MYO10: variants seen among roughly 807,000 people sequenced by gnomAD.
The protein encoded by MYO10 is unconventional myosin-X.
MYO10 carries 133 observed loss-of-function variants against 257.3 expected under a neutral mutation model. The ratio of observed to expected loss-of-function variants is 0.52; its 90% CI spans 0.45 to 0.60. The LOEUF is 0.60. MYO10 is among the 20% of genes least tolerant of loss of function. The probability of loss-of-function intolerance (pLI) is 0.00; values close to 1 mark genes in which losing one functional copy is unlikely to be tolerated. For synonymous variants in MYO10, 1,104 were observed against 1,028.6 expected, an observed-to-expected ratio of 1.07 and a Z score of -1.40; for missense variants, 2,399 against 2,635.7, an observed-to-expected ratio of 0.91 and a Z score of 1.97.
chr5:16,809,756 T>C (rs1292324022), intron 3 of MYO10, among the ~76,000 whole-genome samples: 2 of 152,210 alleles, frequency 1.3e-5, no homozygotes, highest in Non-Finnish European at 2.9e-5. Context: ...AACAGCCCCA[T>C]TTCTTAAAAT....
chr5:16,821,592 G>A (rs535651142), intron 2 of MYO10, among the ~76,000 whole-genome samples: 15 of 150,768 alleles, frequency 9.9e-5, no homozygotes, highest in South Asian at 2.1e-4. Context: ...TCAGCCTCCC[G>A]AGTAGCTGGG....
intron 1 of MYO10, among the ~76,000 whole-genome samples, chr5:16,918,495 C>CTTTTTTT (rs1422704020): frequency 3.4e-5 from 3 of 87,260 alleles, no homozygotes; most frequent in African/African-American, 1.3e-4. Flanking sequence ...AACTATTTTT[C>CTTTTTTT]TTTTCTTTTT....
intron 1 of MYO10, among the ~76,000 whole-genome samples, chr5:16,926,946 T>C (rs1451550650): frequency 6.6e-6 from 1 of 152,244 alleles, no homozygotes; most frequent in Non-Finnish European, 1.5e-5. Context: ...CACTCATGTT[T>C]GATATTTTGC....
At chr5:16,723,911 CAG>C (rs1739254951) in intron 19 of MYO10, among the ~76,000 whole-genome samples, 1 of 152,156 alleles carries the variant, frequency 6.6e-6, no homozygotes, top group African/African-American at 2.4e-5. Flanking sequence ...GACAAAACTT[CAG>C]AGACAGTAGA....
intron 1 of MYO10, among the ~76,000 whole-genome samples, chr5:16,922,736 C>A (rs1346661157): frequency 2.0e-4 from 30 of 152,166 alleles, no homozygotes; most frequent in Admixed American, 2.0e-3. Context: ...GTGGGTTTTA[C>A]AAACTTGTGC....
At chr5:16,690,279 C>A (rs889150140) in intron 27 of MYO10, among the ~76,000 whole-genome samples, 2 of 152,202 alleles carry the variant, frequency 1.3e-5, no homozygotes, top group African/African-American at 4.8e-5. Context: ...ATGACTACAT[C>A]CTTTTATAGC....
chr5:16,808,006 A>T (rs1021444012), intron 3 of MYO10, among the ~76,000 whole-genome samples: 2 of 152,344 alleles, frequency 1.3e-5, no homozygotes, highest in Admixed American at 6.5e-5. Context: ...AGCCTAACAC[A>T]GAGCCTGGTA....
At chr5:16,880,845 C>G (rs568939745) in intron 1 of MYO10, among the ~76,000 whole-genome samples, 2 of 152,318 alleles carry the variant, frequency 1.3e-5, no homozygotes, top group African/African-American at 4.8e-5. Context: ...GCTGGTCTCT[C>G]AAATATCACT....
At chr5:16,811,098 T>C (rs1191746759) in intron 3 of MYO10, among the ~76,000 whole-genome samples, 3 of 149,552 alleles carry the variant, frequency 2.0e-5, no homozygotes, top group Admixed American at 6.7e-5. Context: ...AAAAGAAAAC[T>C]TTAACAAATA....
chr5:16,771,602 A>G (rs1330605799), intron 9 of MYO10, among the ~76,000 whole-genome samples: 1 of 147,688 alleles, frequency 6.8e-6, no homozygotes, highest in Non-Finnish European at 1.5e-5. Flanking sequence ...ATTTTGATAC[A>G]GGGTCTCACT....
intron 3 of MYO10, among the ~76,000 whole-genome samples, chr5:16,800,364 C>T (rs546665372): frequency 6.6e-6 from 1 of 152,114 alleles, no homozygotes; most frequent in East Asian, 1.9e-4. Context: ...TCAAGACCAG[C>T]CTGGGCAATA....
At position 16,917,707 on chromosome 5, in the gene MYO10, GA is replaced by G. The variant is rs1183719045; in HGVS notation, c.21+18080del. Among the ~76,000 whole-genome samples the G allele has an allele frequency of 4.3e-3, 617 of 145,170 alleles. 2 individuals carry two copies. The highest frequency in any genetic ancestry group is 0.015 in the African/African-American group (594 of 39,490). The stretch of plus-strand genomic sequence containing the variant: ...GACCCATCTCTACAAAAAAAAAAAG[GA>G]AAAAAAAAAGAAAAAATCAGATGGG... On this transcript the variant is annotated intron_variant, in intron 1 of 40. Coordinates refer to ENST00000513610, the MANE Select transcript of MYO10 (RefSeq NM_012334.3).
At chr5:16,696,151 A>G (rs955144235) in intron 26 of MYO10, among the ~76,000 whole-genome samples, 11 of 152,316 alleles carry the variant, frequency 7.2e-5, no homozygotes, top group Admixed American at 3.9e-4. Context: ...AGTTTATTTA[A>G]TCTAATTGAT....
intron 31 of MYO10, among the ~76,000 whole-genome samples, 155 bp from the exon 32 acceptor site, chr5:16,681,658 A>C (rs1262140729): frequency 6.6e-6 from 1 of 152,226 alleles, no homozygotes; most frequent in Admixed American, 6.5e-5. Context: ...TGGAACGACT[A>C]CATGAAAGAA....
rs548763745 is a variant in MYO10 at position 16,771,540 on chromosome 5, A to C, written c.931-2337T>G. ...ACTGACCCAAATCTAGGAACTTACTATTATGATTTATTATTATTATTATTA... is the reference window on the plus strand; with the variant it reads ...ACTGACCCAAATCTAGGAACTTACTCTTATGATTTATTATTATTATTATTA... On this transcript the variant is annotated intron_variant, in intron 9 of 40. Transcript: ENST00000513610. Among the ~76,000 whole-genome samples the C allele has an allele frequency of 2.4e-4, 32 of 135,278 alleles. No individual in the cohort carries two copies. The South Asian group carries it at 7.8e-3, about 33-fold the overall frequency. 88.7% of individuals were successfully genotyped at this position (135,278 alleles called of 152,430 possible). A position where few individuals can be genotyped will look rare whatever the true frequency, so the allele number is the denominator to read the frequency against.
intron 1 of MYO10, among the ~76,000 whole-genome samples, chr5:16,932,491 G>A (rs753919619): frequency 2.0e-5 from 3 of 151,874 alleles, no homozygotes; most frequent in African/African-American, 4.8e-5. Flanking sequence ...ATTGCTTCTG[G>A]TTACAGACAC....
In MYO10 at chr5:16,794,681, C is replaced by T. The variant is rs760390351; in HGVS notation, c.432G>A (p.Leu144=). The T allele has an allele frequency of 1.8e-5, 29 of 1,612,796 alleles. No individual in the cohort carries two copies. The highest frequency in any genetic ancestry group is 2.5e-5 in the Non-Finnish European group (29 of 1,179,458). ...TGCACTGGTTGTCGTGGCGCTTCCA[C>T]AGGCAGCGGTAGCACTCGTTGGCGA... The part of the protein sequence containing the change: ...FAIANECYRC[L]WKRHDNQCIL... Residue 144 remains leucine (L), a synonymous_variant, in exon 4 of 41, where the codon CTG becomes CTA. Transcript: ENST00000513610.
chr5:16,704,219 G>C (rs1738225498), intron 22 of MYO10, among the ~76,000 whole-genome samples: 1 of 151,904 alleles, frequency 6.6e-6, no homozygotes. Context: ...CAACTACTTG[G>C]GAGTCTGAGG....
chr5:16,696,362 T>C (rs1230661754), intron 26 of MYO10, among the ~76,000 whole-genome samples: 3 of 152,214 alleles, frequency 2.0e-5, no homozygotes, highest in Non-Finnish European at 4.4e-5. Flanking sequence ...AGATTTTCTT[T>C]TTCATTCATT....
Sources: allele counts gnomAD v4.1 joint callset (sites outside exome capture counted in the v4.1 genomes callset), GRCh38; gene constraint gnomAD v4.1.1; transcripts MANE v1.5; gene names NCBI Gene and HGNC (gene_info 2026-07-23, HGNC 2026-07-21).